Variants in LCA5 observed in about 807,000 individuals in gnomAD.
LCA5 encodes the protein lebercilin LCA5, also known as lebercilin.
LCA5 carries 37 observed loss-of-function variants against 53.0 expected under a neutral mutation model. That is an observed-to-expected ratio of 0.70 (90% CI 0.54 to 0.92). The LOEUF (loss-of-function observed/expected upper bound fraction) is 0.92, where lower values mean the gene tolerates loss of function less well. Among genes scored for constraint, LCA5 ranks in the 40% least tolerant of loss-of-function variants. The pLI is 0.00. For missense variants in LCA5, 806 were observed against 790.5 expected (o/e 1.02, Z -0.23); for synonymous variants, 303 against 282.9 (o/e 1.07, Z -0.71).
At chr6:79,515,460 C>T (rs1766399751) in intron 2 of LCA5, among the ~76,000 whole-genome samples, 1 of 151,992 alleles carries the variant, frequency 6.6e-6, no homozygotes, top group Non-Finnish European at 1.5e-5. Context: ...TTTTAAATCA[C>T]AACATTTCTC....
At chr6:79,530,531 A>C (rs1766928305) in intron 1 of LCA5, among the ~76,000 whole-genome samples, 1 of 152,174 alleles carries the variant, frequency 6.6e-6, no homozygotes, top group African/African-American at 2.4e-5. Flanking sequence ...AAACAAAACA[A>C]AACAAAACAA....
chr6:79,527,590 T>C (rs922837222), intron 1 of LCA5, among the ~76,000 whole-genome samples: 9 of 152,214 alleles, frequency 5.9e-5, no homozygotes, highest in Admixed American at 1.3e-4. Flanking sequence ...GGATGATGTA[T>C]GGTAAACTAC....
At chr6:79,493,484 GATA>G in intron 4 of LCA5, 126 bp downstream of exon 4, 3 of 637,730 alleles carry the variant, frequency 4.7e-6, no homozygotes, top group Non-Finnish European at 7.2e-6. Context: ...AAGTGCTAAA[GATA>G]ATATCAGAAT....
chr6:79,495,644 G>A (rs1286197884), intron 3 of LCA5, among the ~76,000 whole-genome samples: 8 of 151,404 alleles, frequency 5.3e-5, no homozygotes, highest in South Asian at 2.1e-4. Flanking sequence ...CCAGCTACTC[G>A]GGAGACTGAG....
At chr6:79,523,139 TAAA>T (rs1766675918) in intron 1 of LCA5, among the ~76,000 whole-genome samples, 1 of 152,150 alleles carries the variant, frequency 6.6e-6, no homozygotes, top group South Asian at 2.1e-4. Flanking sequence ...AGAAATATTT[TAAA>T]AAGCAACAAA....
At chr6:79,528,406 G>A (rs1018796225) in intron 1 of LCA5, among the ~76,000 whole-genome samples, 2 of 152,024 alleles carry the variant, frequency 1.3e-5, no homozygotes, top group African/African-American at 2.4e-5. Flanking sequence ...CAGTGCTAAC[G>A]TCATGTGGTA....
Position 79,489,615 on chromosome 6 carries a change from G to A in LCA5, c.1099-399C>T, listed in dbSNP as rs149616495. Among the ~76,000 whole-genome samples, 589 of 152,144 alleles carry A rather than the reference G, an allele frequency of 3.9e-3. 2 individuals carry two copies. Among genetic ancestry groups the A allele is most frequent in the Middle Eastern group, 0.024 (7 of 294 alleles). ...GTGAGATGCTGTTGAACTATAACATGAGCAGTGACAATATTATGTCCAACC... is the reference window on the plus strand; with the variant it reads ...GTGAGATGCTGTTGAACTATAACATAAGCAGTGACAATATTATGTCCAACC... On this transcript the variant is annotated intron_variant, in intron 6 of 7. Transcript: ENST00000369846.
At chr6:79,525,079 C>T (rs1264692632) in intron 1 of LCA5, 1 of 152,008 alleles carries the variant, frequency 6.6e-6, no homozygotes. Context: ...ATTCTGTTCT[C>T]GCATTACTGA....
Position 79,487,246 on chromosome 6 carries a change from A to G in LCA5, c.1852T>C (p.Ser618Pro), listed in dbSNP as rs760059455. The G allele has an allele frequency of 6.2e-7, 1 of 1,614,104 alleles. No individual in the cohort carries two copies. The highest frequency in any genetic ancestry group is 1.1e-5 in the South Asian group (1 of 91,082). ...LFGASGSSTI[S>P]SKSSDPNSVA... ...GAATTTGGGTCACTGCTTTTGGAGG[A>G]AATGGTGCTGCTACCACTGGCACCA... Residue 618 changes from serine (S) to proline (P), a missense_variant, in exon 8 of 8, where the codon TCC becomes CCC. By Grantham distance (74) the Ser-to-Pro change is moderately conservative. Transcript: ENST00000369846.
At chr6:79,493,002 T>C (rs1338938946) in intron 4 of LCA5, among the ~76,000 whole-genome samples, 1 of 152,114 alleles carries the variant, frequency 6.6e-6, no homozygotes, top group Non-Finnish European at 1.5e-5. Flanking sequence ...AGTTAAAAAT[T>C]AGACCACTCT....
At chr6:79,492,826 A>T (rs995463939) in intron 4 of LCA5, among the ~76,000 whole-genome samples, 179 bp from the exon 5 acceptor site, 4 of 152,082 alleles carry the variant, frequency 2.6e-5, no homozygotes, top group African/African-American at 9.7e-5. Context: ...AGGATAGAGC[A>T]ATAATTTTCC....
chr6:79,486,838 T>C lies in LCA5; in HGVS notation c.*166A>G, dbSNP rs1769670253. The C allele has an allele frequency of 3.5e-6, 2 of 570,284 alleles. No individual in the cohort carries two copies. Among genetic ancestry groups the C allele is most frequent in the Non-Finnish European group, 6.0e-6 (2 of 335,546 alleles). 35.3% of individuals were successfully genotyped at this position (570,284 alleles called of 1,614,324 possible). The stretch of plus-strand genomic sequence containing the variant: ...TCCTTCATTCTTGGCAAACTATCTA[T>C]GTGGTGTATGTATGATCTACTTCTT... On this transcript the variant is annotated 3_prime_UTR_variant, in exon 8 of 8. Transcript: ENST00000369846.
rs1769904494 is a variant in LCA5 at position 79,493,720 on chromosome 6, TAGTACTC to T, written c.744_750del (p.Ser249ThrfsTer35). 7 of 1,613,446 alleles carry T rather than the reference TAGTACTC, an allele frequency of 4.3e-6. No homozygotes were observed. The Admixed American group carries it at 5.0e-5, about 12-fold the overall frequency. On this transcript the variant is annotated frameshift_variant, in exon 4 of 8. Coordinates refer to ENST00000369846, the MANE Select transcript of LCA5 (RefSeq NM_001122769.3). LOFTEE classifies it high-confidence loss of function. The stretch of plus-strand genomic sequence containing the variant: ...GCAAGCAACTGTCGTTGGAAACTGT[TAGTACTC>T]AGTTCAAGGTTTTTCGATAGCTCCT...
intron 1 of LCA5, among the ~76,000 whole-genome samples, chr6:79,528,603 C>A (rs1395974925): frequency 1.3e-5 from 2 of 152,128 alleles, no homozygotes; most frequent in Non-Finnish European, 2.9e-5. Flanking sequence ...CAATAGGAGT[C>A]CCTAGGGAGA....
chr6:79,495,703 A>G (rs886142900), intron 3 of LCA5, among the ~76,000 whole-genome samples: 3 of 150,438 alleles, frequency 2.0e-5, no homozygotes, highest in African/African-American at 7.4e-5. Context: ...GTGAGCCGAG[A>G]TCATGCCACT....
At position 79,487,738 on chromosome 6, in the gene LCA5, A is replaced by G. The variant is rs1769710862; in HGVS notation, c.1360T>C (p.Leu454=). ...AGTCTTTCTTCTTCCTCTCCTTGCA[A>G]TTTATCCATATTCTGAATTGGATAC... is the stretch of plus-strand genomic sequence containing the variant. ...GMYPIQNMDK[L]QGEEEERLKR... Residue 454 remains leucine, a synonymous_variant, in exon 8 of 8, where the codon TTG becomes CTG. Coordinates refer to ENST00000369846, the MANE Select transcript of LCA5 (RefSeq NM_001122769.3). 1 of 1,613,754 alleles carries G rather than the reference A, an allele frequency of 6.2e-7. No homozygotes were observed. The highest frequency in any genetic ancestry group is 8.5e-7 in the Non-Finnish European group (1 of 1,179,880).
upstream of LCA5, chr6:79,537,544 A>T (rs1164884571): frequency 6.6e-6 from 1 of 152,342 alleles, no homozygotes; most frequent in Middle Eastern, 3.4e-3. Context: ...CGGGACGGCG[A>T]GTGCGGGAGA....
chr6:79,498,092 A>AT (rs1235474146), intron 3 of LCA5, among the ~76,000 whole-genome samples: 1 of 152,106 alleles, frequency 6.6e-6, no homozygotes, highest in Non-Finnish European at 1.5e-5. Flanking sequence ...TATAAAGGGC[A>AT]TAATCCCTAT....
intron 4 of LCA5, among the ~76,000 whole-genome samples, 178 bp downstream of exon 4, chr6:79,493,435 T>C (rs1285219258): frequency 6.6e-6 from 1 of 152,196 alleles, no homozygotes; most frequent in African/African-American, 2.4e-5. Flanking sequence ...TGTTTTTAAT[T>C]TCACTTTGTT....
Sources: allele counts gnomAD v4.1 joint callset (sites outside exome capture counted in the v4.1 genomes callset), GRCh38; gene constraint gnomAD v4.1.1; transcripts MANE v1.5; gene names NCBI Gene and HGNC (gene_info 2026-07-23, HGNC 2026-07-21).